NPLOC4: variants seen among roughly 807,000 people sequenced by gnomAD.
NPLOC4 encodes the protein nuclear protein localization protein 4 homolog.
A neutral mutation model predicts 80.6 loss-of-function variants in NPLOC4; 18 were observed. The ratio of observed to expected loss-of-function variants is 0.22; its 90% CI spans 0.15 to 0.33. The LOEUF is 0.33. NPLOC4 is among the 10% of genes least tolerant of loss of function. The pLI, the probability that NPLOC4 is intolerant of heterozygous loss-of-function variation, is 1.00. For missense variants in NPLOC4, 540 were observed against 786.1 expected, an observed-to-expected ratio of 0.69 and a Z score of 3.74; for synonymous variants, 313 against 301.5, an observed-to-expected ratio of 1.04 and a Z score of -0.39.
intron 1 of NPLOC4, 191 bp from the exon 2 acceptor site, chr17:81,629,996 G>A (rs2035888966): frequency 1.9e-6 from 1 of 530,426 alleles, no homozygotes; most frequent in East Asian, 3.1e-5. Flanking sequence ...TCAACATATG[G>A]GGAGATATTT....
intron 1 of NPLOC4, among the ~76,000 whole-genome samples, chr17:81,633,092 C>A (rs2144345772): frequency 6.9e-6 from 1 of 144,272 alleles, no homozygotes; most frequent in South Asian, 2.2e-4. Flanking sequence ...CGCGCCACTG[C>A]ACTCCAGCCT....
chr17:81,589,735 C>T lies in NPLOC4; in HGVS notation c.1121-631G>A, dbSNP rs540383209. On this transcript the variant is annotated intron_variant, in intron 11 of 16. Coordinates refer to ENST00000331134, the MANE Select transcript of NPLOC4 (RefSeq NM_017921.4). ...AAAAGAAAAGAAAAGGCTCAGATTA[C>T]GCCTGTAATCTGAGCACTCTGAGAG... is the stretch of plus-strand genomic sequence containing the variant. Among the ~76,000 whole-genome samples, 11 of 151,650 alleles carry T rather than the reference C, an allele frequency of 7.3e-5. No individual in the cohort carries two copies. In the South Asian group the frequency reaches 8.4e-4, roughly 12 times the overall value.
chr17:81,622,114 A>G (rs531015400), intron 3 of NPLOC4, 52 bp downstream of exon 3: 389 of 1,340,716 alleles, frequency 2.9e-4, no homozygotes, highest in Non-Finnish European at 3.8e-4. Context: ...CGGGCAGATC[A>G]TGGGGACCTC....
At chr17:81,575,640 G>C (rs138935101) in intron 12 of NPLOC4, among the ~76,000 whole-genome samples, 139 of 152,274 alleles carry the variant, frequency 9.1e-4, no homozygotes, top group Non-Finnish European at 1.7e-3. Context: ...GTAGAGACTG[G>C]GCCCCCCACA....
intron 12 of NPLOC4, among the ~76,000 whole-genome samples, chr17:81,583,566 T>C (rs114522147): frequency 0.018 from 2,730 of 152,318 alleles, 77 homozygotes; most frequent in African/African-American, 0.062. Flanking sequence ...TGGCTGGCCC[T>C]AGTCCCTCGG....
At chr17:81,561,861 G>A (rs2033861277) in intron 16 of NPLOC4, 1 of 152,156 alleles carries the variant, frequency 6.6e-6, no homozygotes, top group Admixed American at 6.5e-5. Context: ...GCCTCCTAGA[G>A]TGTTAGGATT....
Position 81,580,791 on chromosome 17 carries a change from A to T in NPLOC4, c.1281+8153T>A, listed in dbSNP as rs1339894284. On this transcript the variant is annotated intron_variant, in intron 12 of 16. Coordinates refer to ENST00000331134, the MANE Select transcript of NPLOC4 (RefSeq NM_017921.4). The surrounding 1 kb of genome is among the most constrained non-coding windows in gnomAD (Gnocchi z 4.4). ...GCCTGGCAATTCACAGGTGTTCTCT[A>T]AACATGAGAGAATGGATGCCGTGAG... 6.6e-6 allele frequency among the ~76,000 whole-genome samples: 1 copy of T among 152,200 alleles called. No individual in the cohort carries two copies. The highest frequency in any genetic ancestry group is 1.5e-5 in the Non-Finnish European group (1 of 68,028).
intron 11 of NPLOC4, among the ~76,000 whole-genome samples, chr17:81,592,161 G>A (rs935895145): frequency 5.3e-5 from 8 of 152,210 alleles, no homozygotes; most frequent in Admixed American, 3.9e-4. Flanking sequence ...CGGCAGGGGC[G>A]CCCCGCACCC....
chr17:81,629,867 G>A (rs2035886271), intron 1 of NPLOC4, 62 bp from the exon 2 acceptor site: 11 of 1,224,106 alleles, frequency 9.0e-6, no homozygotes, highest in South Asian at 2.5e-5. Flanking sequence ...CTAATACTAC[G>A]GCTTCCATCT....
chr17:81,575,710 C>A (rs543447908), intron 12 of NPLOC4, among the ~76,000 whole-genome samples: 1 of 152,240 alleles, frequency 6.6e-6, no homozygotes, highest in African/African-American at 2.4e-5. Context: ...CCAGGGCACA[C>A]GCAGGCCTCC....
At chr17:81,602,155 C>T (rs7503280) in intron 8 of NPLOC4, among the ~76,000 whole-genome samples, 11 of 151,990 alleles carry the variant, frequency 7.2e-5, no homozygotes, top group Admixed American at 4.6e-4. Flanking sequence ...TGGCATACAC[C>T]GATAGTCCCA....
chr17:81,613,941 A>G (rs2035407107), intron 3 of NPLOC4, among the ~76,000 whole-genome samples: 2 of 151,876 alleles, frequency 1.3e-5, no homozygotes, highest in Non-Finnish European at 2.9e-5. Context: ...GTTCACATAC[A>G]CACGTAAGCA....
chr17:81,596,855 C>A (rs1283053336), intron 10 of NPLOC4, among the ~76,000 whole-genome samples: 1 of 152,126 alleles, frequency 6.6e-6, no homozygotes. Context: ...TGGCTCACAC[C>A]TGTAATCCCA....
At chr17:81,632,138 G>A (rs1568171699) in intron 1 of NPLOC4, among the ~76,000 whole-genome samples, 5 of 151,620 alleles carry the variant, frequency 3.3e-5, no homozygotes, top group Admixed American at 6.6e-5. Context: ...ACCAAGCCCA[G>A]CTAATTTTTG....
intron 2 of NPLOC4, among the ~76,000 whole-genome samples, chr17:81,629,014 G>A (rs528251021): frequency 6.6e-6 from 1 of 151,664 alleles, no homozygotes; most frequent in East Asian, 2.0e-4. Context: ...CAGCAGCTGG[G>A]ACTACAGGTG....
In NPLOC4 at chr17:81,558,997, C is replaced by T. The variant is rs1229950495; in HGVS notation, c.*262G>A. On this transcript the variant is annotated 3_prime_UTR_variant, in exon 17 of 17. Transcript: ENST00000331134. ...CTTTCCAACACGGCGGGGGACTTGT[C>T]AACAGGATTAGGCGTGAGGAGCCGC... is the stretch of plus-strand genomic sequence containing the variant. 5 of 418,700 alleles carry T rather than the reference C, an allele frequency of 1.2e-5. No individual in the cohort carries two copies. The highest frequency in any genetic ancestry group is 1.0e-4 in the African/African-American group (5 of 49,042). 25.9% of individuals were successfully genotyped at this position (418,700 alleles called of 1,614,324 possible).
intron 1 of NPLOC4, among the ~76,000 whole-genome samples, chr17:81,631,749 CT>C (rs1420434587): frequency 1.3e-5 from 2 of 152,000 alleles, no homozygotes; most frequent in South Asian, 4.1e-4. Flanking sequence ...ATGGTGCATT[CT>C]ATAGCTTCTT....
At chr17:81,634,973 G>A (rs2036027602) in intron 1 of NPLOC4, among the ~76,000 whole-genome samples, 1 of 152,142 alleles carries the variant, frequency 6.6e-6, no homozygotes, top group African/African-American at 2.4e-5. Flanking sequence ...CAAGGTAGGA[G>A]GATCCCTCGA....
intron 5 of NPLOC4, 119 bp downstream of exon 5, chr17:81,610,091 G>GT (rs1490517917): frequency 1.2e-6 from 1 of 802,662 alleles, no homozygotes; most frequent in Admixed American, 2.3e-5. Flanking sequence ...CAATAAATAG[G>GT]TAAGTTCTTT....
Sources: gnomAD v4.1 joint callset for allele counts (sites outside exome capture counted in the v4.1 genomes callset) on GRCh38, gnomAD v4.1.1 for gene constraint, Gnocchi (gnomAD v3.1) non-coding constraint, MANE v1.5 for transcripts, NCBI Gene and HGNC (gene_info 2026-07-23, HGNC 2026-07-21) for gene names.